Variants in YAF2 observed in about 807,000 individuals in gnomAD.
The protein encoded by YAF2 is YY1-associated factor 2.
YAF2 carries 7 observed loss-of-function variants against 20.1 expected under a neutral mutation model. The observed-to-expected ratio is 0.35, with a 90% CI of 0.20 to 0.65. YAF2 has a LOEUF of 0.65. Ranked by LOEUF, YAF2 falls within the 30% of genes least tolerant of loss-of-function variation. The pLI is 0.69. For synonymous variants in YAF2, 74 were observed against 76.0 expected, an observed-to-expected ratio of 0.97 and a Z score of 0.14; for missense variants, 151 against 219.2, an observed-to-expected ratio of 0.69 and a Z score of 1.96.
At position 42,158,065 on chromosome 12, in the gene YAF2, T is replaced by C. The variant is rs948882687; in HGVS notation, c.*2524A>G. 1.3e-5 allele frequency: 2 copies of C among 152,192 alleles called. No individual in the cohort carries two copies. Among genetic ancestry groups the C allele is most frequent in the Non-Finnish European group, 2.9e-5 (2 of 68,040 alleles). The allele number at this position is 152,192 out of a possible 1,614,324, so 9.4% of individuals were successfully genotyped here. A position where few individuals can be genotyped will look rare whatever the true frequency, so the allele number is the denominator to read the frequency against. On this transcript the variant is annotated 3_prime_UTR_variant, in exon 4 of 4. Transcript: ENST00000534854. Reference sequence around the variant, plus strand: ...CAGAGAAAAACATGTACCCTAAACCTAGGTTCTGAATCTTTCGCATATTTT... The same window carrying C: ...CAGAGAAAAACATGTACCCTAAACCCAGGTTCTGAATCTTTCGCATATTTT...
chr12:42,158,897 C>T lies in YAF2; in HGVS notation c.*1692G>A, dbSNP rs1293411222. On this transcript the variant is annotated 3_prime_UTR_variant, in exon 4 of 4. Coordinates refer to ENST00000534854, the MANE Select transcript of YAF2 (RefSeq NM_005748.6). The stretch of plus-strand genomic sequence containing the variant: ...TTACTATCTCCAAAAATGTATAAAA[C>T]ATTTGAAACATGTTAAAAACAGAAT... The T allele has an allele frequency of 6.6e-6, 1 of 152,014 alleles. No individual in the cohort carries two copies. The highest frequency in any genetic ancestry group is 2.4e-5 in the African/African-American group (1 of 41,406). The allele number at this position is 152,014 out of a possible 1,614,324, so 9.4% of individuals were successfully genotyped here. A position where few individuals can be genotyped will look rare whatever the true frequency, so the allele number is the denominator to read the frequency against.
Position 42,171,207 on chromosome 12 carries a change from G to T in YAF2, c.153-9442C>A, listed in dbSNP as rs182432501. On this transcript the variant is annotated intron_variant, in intron 2 of 3. Coordinates refer to ENST00000534854, the MANE Select transcript of YAF2 (RefSeq NM_005748.6). The stretch of plus-strand genomic sequence containing the variant: ...GGATTTCACCATATTGCCCAGGCTG[G>T]TCTCAACTCCTGACCTCAAGTGATC... 2.4e-4 allele frequency among the ~76,000 whole-genome samples: 36 copies of T among 152,292 alleles called. No homozygotes were observed. The East Asian group carries it at 7.0e-3, about 29-fold the overall frequency.
intron 2 of YAF2, among the ~76,000 whole-genome samples, chr12:42,211,684 G>A (rs1389101614): frequency 2.8e-5 from 4 of 145,392 alleles, no homozygotes; most frequent in Admixed American, 2.1e-4. Context: ...GGTGGAGGTC[G>A]CAATGAGCCA....
intron 2 of YAF2, among the ~76,000 whole-genome samples, chr12:42,211,256 G>A (rs1247424569): frequency 2.0e-5 from 3 of 150,474 alleles, no homozygotes; most frequent in Admixed American, 6.7e-5. Flanking sequence ...GCAAAACCTC[G>A]TCTCTACTGA....
At chr12:42,201,725 C>T (rs2066903164) in intron 2 of YAF2, among the ~76,000 whole-genome samples, 1 of 152,100 alleles carries the variant, frequency 6.6e-6, no homozygotes, top group Admixed American at 6.6e-5. Flanking sequence ...GCATGTGCCA[C>T]CACGCCTGGC....
At chr12:42,192,513 A>T (rs1027384673) in intron 2 of YAF2, among the ~76,000 whole-genome samples, 2 of 152,182 alleles carry the variant, frequency 1.3e-5, no homozygotes, top group Admixed American at 6.6e-5. Context: ...TGTCTCAAAC[A>T]AAACAAAACA....
intron 2 of YAF2, among the ~76,000 whole-genome samples, chr12:42,215,094 C>A (rs1340558990): frequency 6.6e-6 from 1 of 152,120 alleles, no homozygotes; most frequent in East Asian, 1.9e-4. Context: ...TAGCCCAGCA[C>A]CTGTCTCAAA....
chr12:42,210,890 T>C (rs2067188730), intron 2 of YAF2: 1 of 353,328 alleles, frequency 2.8e-6, no homozygotes, highest in Non-Finnish European at 5.1e-6. Context: ...AAAAGTCTAC[T>C]ATAATGGCTG....
intron 2 of YAF2, among the ~76,000 whole-genome samples, chr12:42,165,971 G>A (rs1192056981): frequency 2.6e-5 from 4 of 151,768 alleles, no homozygotes; most frequent in Admixed American, 6.6e-5. Flanking sequence ...AGGCTGGAGT[G>A]CGGTGGCGTG....
rs188233518 is a variant in YAF2, at chr12:42,181,546, G to C, written c.153-19781C>G. 3.7e-4 allele frequency among the ~76,000 whole-genome samples: 57 copies of C among 152,298 alleles called. 2 individuals are homozygous for C. The highest frequency in any genetic ancestry group is 1.4e-3 in the African/African-American group (57 of 41,560). ...AGCACAGTCTCTATACCAATAGTGG[G>C]CTCTGTCAGTCTATTGTATGCTCTA... On this transcript the variant is annotated intron_variant, in intron 2 of 3. Coordinates refer to ENST00000534854, the MANE Select transcript of YAF2 (RefSeq NM_005748.6).
chr12:42,210,642 G>C (rs761195334), intron 2 of YAF2: 3 of 1,535,832 alleles, frequency 2.0e-6, no homozygotes, highest in Non-Finnish European at 1.7e-6. Context: ...CCCAATAGGA[G>C]AACTCCAGTT....
chr12:42,186,189 C>CA (rs58514363), intron 2 of YAF2, among the ~76,000 whole-genome samples: 9,849 of 62,466 alleles, frequency 0.16, 1,150 homozygotes, highest in African/African-American at 0.25. Flanking sequence ...AACTCTGTCT[C>CA]AAAAAAAAAA....
At position 42,238,095 on chromosome 12, in the gene YAF2, G is replaced by A. The variant is rs2068242076; in HGVS notation, c.26+60C>T. 9 of 1,384,254 alleles carry A rather than the reference G, an allele frequency of 6.5e-6. No homozygotes were observed. The South Asian group carries it at 7.8e-5, about 12-fold the overall frequency. 85.7% of individuals were successfully genotyped at this position (1,384,254 alleles called of 1,614,324 possible). A position where few individuals can be genotyped will look rare whatever the true frequency, so the allele number is the denominator to read the frequency against. On this transcript the variant is annotated intron_variant, in intron 1 of 3. Coordinates refer to ENST00000534854, the MANE Select transcript of YAF2 (RefSeq NM_005748.6). ...GCGGCTAGCGAGGCGGCCACCCGAA[G>A]CCCTGCACGAGGGCCCTGCCGCCCG...
intron 2 of YAF2, among the ~76,000 whole-genome samples, chr12:42,166,720 T>C (rs192447071): frequency 6.6e-6 from 1 of 152,264 alleles, no homozygotes; most frequent in East Asian, 1.9e-4. Context: ...TCACTGGCTT[T>C]ACACCATCCC....
intron 2 of YAF2, among the ~76,000 whole-genome samples, chr12:42,220,492 G>A (rs2067481327): frequency 6.6e-6 from 1 of 152,186 alleles, no homozygotes; most frequent in East Asian, 1.9e-4. Flanking sequence ...TTAGAAGGTA[G>A]CCTAGAAATA....
chr12:42,210,655 T>C, intron 2 of YAF2: 1 of 1,535,908 alleles, frequency 6.5e-7, no homozygotes, highest in Non-Finnish European at 8.7e-7. Context: ...CTCCAGTTAC[T>C]GGTAAGTGAT....
chr12:42,209,842 A>AGG (rs1241231761), intron 2 of YAF2, among the ~76,000 whole-genome samples: 1 of 152,186 alleles, frequency 6.6e-6, no homozygotes, highest in African/African-American at 2.4e-5. Flanking sequence ...CTTGTTGCCC[A>AGG]GGTTGGAGTG....
intron 2 of YAF2, among the ~76,000 whole-genome samples, chr12:42,164,400 A>C (rs2065865321): frequency 6.6e-6 from 1 of 152,178 alleles, no homozygotes; most frequent in African/African-American, 2.4e-5. Context: ...TCATATATGC[A>C]ATTTTCAACT....
Position 42,195,348 on chromosome 12 carries a change from GC to G in YAF2, c.153-33584del, listed in dbSNP as rs1266674039. Among the ~76,000 whole-genome samples the G allele has an allele frequency of 3.3e-5, 5 of 152,144 alleles. No homozygotes were observed. In the East Asian group the frequency reaches 9.6e-4, roughly 29 times the overall value. ...TTAATATCTTAAGAATGAAATTGTG[GC>G]ATTAAACATAACTTCAATTTAAAGT... On this transcript the variant is annotated intron_variant, in intron 2 of 3. Coordinates refer to ENST00000534854, the MANE Select transcript of YAF2 (RefSeq NM_005748.6).
Sources: allele counts gnomAD v4.1 joint callset (sites outside exome capture counted in the v4.1 genomes callset), GRCh38; gene constraint gnomAD v4.1.1; transcripts MANE v1.5; gene names NCBI Gene and HGNC (gene_info 2026-07-23, HGNC 2026-07-21).